The following ASH1L variants were observed in gnomAD, a reference collection of about 807,000 sequenced individuals.
ASH1L encodes histone-lysine N-methyltransferase ASH1L.
In ASH1L, 23 loss-of-function variants were observed where a neutral mutation model predicts 269.0. The observed-to-expected ratio is 0.09, with a 90% CI of 0.06 to 0.12. ASH1L has a LOEUF of 0.12. Ranked by LOEUF, ASH1L falls within the 10% of genes least tolerant of loss-of-function variation. The probability of loss-of-function intolerance (pLI) is 1.00; values close to 1 mark genes in which losing one functional copy is unlikely to be tolerated. For synonymous variants in ASH1L, 1,187 were observed against 1,253.5 expected (o/e 0.95, Z 1.12); for missense variants, 2,912 against 3,567.8 (o/e 0.82, Z 4.68).
At chr1:155,357,022 G>T (rs1017022264) in intron 15 of ASH1L, among the ~76,000 whole-genome samples, 1 of 144,278 alleles carries the variant, frequency 6.9e-6, no homozygotes, top group Non-Finnish European at 1.5e-5. Flanking sequence ...CTTAAGCCCA[G>T]GAGTTGAGCC....
chr1:155,493,139 C>A (rs1219057624), intron 2 of ASH1L, among the ~76,000 whole-genome samples: 1 of 152,180 alleles, frequency 6.6e-6, no homozygotes, highest in Non-Finnish European at 1.5e-5. Flanking sequence ...TTAAAGTGCA[C>A]AATTCAGTGG....
At chr1:155,491,515 AGTG>A (rs1361157819) in intron 2 of ASH1L, among the ~76,000 whole-genome samples, 4 of 152,256 alleles carry the variant, frequency 2.6e-5, no homozygotes, top group African/African-American at 7.2e-5. Context: ...AAGATTAAAG[AGTG>A]GTTTAGACAT....
intron 1 of ASH1L, among the ~76,000 whole-genome samples, chr1:155,532,449 C>T (rs115544805): frequency 0.02 from 3,104 of 152,168 alleles, 104 homozygotes; most frequent in African/African-American, 0.071. Context: ...TCTATCCACC[C>T]CAACACCTGC....
intron 15 of ASH1L, among the ~76,000 whole-genome samples, chr1:155,355,582 T>A (rs1471582287): frequency 6.6e-6 from 1 of 152,228 alleles, no homozygotes; most frequent in Non-Finnish European, 1.5e-5. Context: ...ATACCTGGGT[T>A]CTACCTCTGC....
rs533138167 is a variant in ASH1L, at chr1:155,418,435, A to G, written c.5829-2512T>C. Among the ~76,000 whole-genome samples the G allele has an allele frequency of 1.5e-3, 221 of 152,240 alleles. 1 individual carries two copies. The highest frequency in any genetic ancestry group is 5.1e-3 in the African/African-American group (214 of 41,576). ...CAGTGAACTTGAAGACAGCAATAGA[A>G]ACAACACAAACTGATAGAGATTAAA... On this transcript the variant is annotated intron_variant, in intron 5 of 27. Transcript: ENST00000392403.
At chr1:155,382,952 G>C (rs776412459) in intron 7 of ASH1L, among the ~76,000 whole-genome samples, 6 of 152,080 alleles carry the variant, frequency 3.9e-5, no homozygotes, top group Non-Finnish European at 7.4e-5. Flanking sequence ...CAAACTCCTG[G>C]GCTCAAGCGA....
chr1:155,401,756 C>A (rs1571111745), intron 6 of ASH1L, among the ~76,000 whole-genome samples: 1 of 151,924 alleles, frequency 6.6e-6, no homozygotes, highest in East Asian at 1.9e-4. Context: ...CTATTGCACA[C>A]CAGCCTGGGT....
At chr1:155,439,104 G>T in intron 4 of ASH1L, 36 bp from the exon 5 acceptor site, 1 of 1,554,426 alleles carries the variant, frequency 6.4e-7, no homozygotes, top group South Asian at 1.2e-5. Context: ...AGACAAAATT[G>T]GACACGGCTA....
At chr1:155,448,289 T>C (rs1663181861) in intron 4 of ASH1L, among the ~76,000 whole-genome samples, 2 of 152,256 alleles carry the variant, frequency 1.3e-5, no homozygotes, top group South Asian at 2.1e-4. Flanking sequence ...TATTTCTCCC[T>C]TTCAGCTTAG....
At chr1:155,520,601 G>C (rs1353702282) in intron 2 of ASH1L, among the ~76,000 whole-genome samples, 2 of 151,782 alleles carry the variant, frequency 1.3e-5, no homozygotes, top group Non-Finnish European at 2.9e-5. Context: ...GGTGGCTCAT[G>C]CCTGTAATCC....
chr1:155,415,225 T>C (rs1034657524), intron 6 of ASH1L, among the ~76,000 whole-genome samples: 4 of 151,512 alleles, frequency 2.6e-5, no homozygotes, highest in African/African-American at 9.7e-5. Context: ...CTACTAAAAA[T>C]ACACAAAATT....
Position 155,395,536 on chromosome 1 carries a change from A to G in ASH1L, c.6026T>C (p.Ile2009Thr). The G allele has an allele frequency of 6.2e-7, 1 of 1,609,508 alleles. No individual in the cohort carries two copies. The highest frequency in any genetic ancestry group is 8.5e-7 in the Non-Finnish European group (1 of 1,178,572). ...CTCCAGCTTCTCTTTCTTTAATTGG[A>G]TCAATCGACTCTTTGGGCTGTGATA... ...YKTTDPKSRLIQLKKEKLEYT... is the reference protein window; with the variant it reads ...YKTTDPKSRLTQLKKEKLEYT... Residue 2009 changes from isoleucine (I) to threonine (T), a missense_variant, in exon 7 of 28, where the codon ATC becomes ACC. Coordinates refer to ENST00000392403, the MANE Select transcript of ASH1L (RefSeq NM_018489.3).
chr1:155,511,570 A>G (rs998287860), intron 2 of ASH1L, among the ~76,000 whole-genome samples: 1 of 152,192 alleles, frequency 6.6e-6, no homozygotes, highest in Admixed American at 6.5e-5. Flanking sequence ...CAGTGGCGCA[A>G]TCTCGGCTCA....
chr1:155,375,752 T>C (rs1250822292), intron 10 of ASH1L, among the ~76,000 whole-genome samples: 3 of 151,780 alleles, frequency 2.0e-5, no homozygotes, highest in Non-Finnish European at 4.4e-5. Flanking sequence ...GAGCTGAGAT[T>C]GTGCCATTGC....
chr1:155,400,130 G>A (rs1209838817), intron 6 of ASH1L, among the ~76,000 whole-genome samples: 2 of 152,004 alleles, frequency 1.3e-5, no homozygotes, highest in Non-Finnish European at 2.9e-5. Context: ...GGCAAATCAC[G>A]AGGTCAGGAG....
chr1:155,548,600 C>T (rs1329864842), intron 1 of ASH1L, among the ~76,000 whole-genome samples: 1 of 152,200 alleles, frequency 6.6e-6, no homozygotes, highest in Non-Finnish European at 1.5e-5. Flanking sequence ...CTAGTTAGTA[C>T]TTGTTAGAGT....
chr1:155,428,553 A>G (rs775471375), intron 5 of ASH1L, among the ~76,000 whole-genome samples: 14 of 152,200 alleles, frequency 9.2e-5, no homozygotes, highest in Non-Finnish European at 2.1e-4. Flanking sequence ...TGACATGTTC[A>G]TGATGGCCAT....
intron 5 of ASH1L, chr1:155,433,134 A>C (rs1661730896): frequency 6.3e-6 from 9 of 1,435,374 alleles, no homozygotes; most frequent in Non-Finnish European, 7.5e-6. Flanking sequence ...ATATAAAAAT[A>C]TTTGACATTT....
intron 7 of ASH1L, among the ~76,000 whole-genome samples, chr1:155,389,032 G>A (rs1290494281): frequency 6.9e-6 from 1 of 145,210 alleles, no homozygotes; most frequent in East Asian, 2.1e-4. Context: ...TTGAGACAGA[G>A]TCTTGCTCTG....
Sources: allele counts gnomAD v4.1 joint callset (sites outside exome capture counted in the v4.1 genomes callset), GRCh38; gene constraint gnomAD v4.1.1; transcripts MANE v1.5; gene names NCBI Gene and HGNC (gene_info 2026-07-23, HGNC 2026-07-21).